WWOX: variants seen among roughly 807,000 people sequenced by gnomAD.
The protein encoded by WWOX is WW domain containing oxidoreductase.
WWOX carries 69 observed loss-of-function variants against 46.2 expected under a neutral mutation model. That is an observed-to-expected ratio of 1.49 (90% CI 1.23 to 1.82). The LOEUF is 1.82. WWOX is among the 40% of genes most tolerant of loss of function. The probability of loss-of-function intolerance (pLI) is 0.00; values close to 1 mark genes in which losing one functional copy is unlikely to be tolerated. For missense variants in WWOX, 919 were observed against 542.6 expected (o/e 1.69, Z -6.89); for synonymous variants, 359 against 202.6 (o/e 1.77, Z -6.56).
intron 8 of WWOX, among the ~76,000 whole-genome samples, chr16:78,510,692 AT>A (rs1266327001): frequency 2.0e-5 from 3 of 152,174 alleles, no homozygotes; most frequent in African/African-American, 7.2e-5. Flanking sequence ...GTTTATTTTT[AT>A]TTGTAAATTG....
intron 5 of WWOX, among the ~76,000 whole-genome samples, chr16:78,217,310 G>C (rs2036754193): frequency 6.6e-6 from 1 of 152,194 alleles, no homozygotes; most frequent in Admixed American, 6.5e-5. Context: ...CCAAAGCGAG[G>C]ATAGCTGATT....
intron 8 of WWOX, among the ~76,000 whole-genome samples, chr16:79,073,150 GTTA>G (rs58438039): frequency 0.028 from 3,964 of 143,068 alleles, 64 homozygotes; most frequent in African/African-American, 0.03. Flanking sequence ...GTAGTTATTC[GTTA>G]TTATTATTAT....
intron 5 of WWOX, among the ~76,000 whole-genome samples, chr16:78,182,685 G>C (rs1387579237): frequency 1.3e-5 from 2 of 152,040 alleles, no homozygotes; most frequent in Non-Finnish European, 2.9e-5. Context: ...GGGTGTGGTG[G>C]CTCACGCCTG....
chr16:78,926,983 A>G (rs60633200), intron 8 of WWOX, among the ~76,000 whole-genome samples: 1 of 151,944 alleles, frequency 6.6e-6, no homozygotes, highest in Non-Finnish European at 1.5e-5. Context: ...TTCTGTAGAG[A>G]TGGGGTTTTG....
chr16:78,961,387 T>A (rs1268325672), intron 8 of WWOX, among the ~76,000 whole-genome samples: 1 of 152,214 alleles, frequency 6.6e-6, no homozygotes, highest in Non-Finnish European at 1.5e-5. Flanking sequence ...GGTTGCAGTT[T>A]GTGGCATGGC....
chr16:78,472,234 T>C (rs968748758), intron 8 of WWOX, among the ~76,000 whole-genome samples: 1 of 152,136 alleles, frequency 6.6e-6, no homozygotes, highest in Non-Finnish European at 1.5e-5. Flanking sequence ...TGCATTCCTG[T>C]GACCTGCTGT....
chr16:78,363,980 G>C lies in WWOX; in HGVS notation c.517-22880G>C, dbSNP rs2081473181. Among the ~76,000 whole-genome samples, 5 of 152,244 alleles carry C rather than the reference G, an allele frequency of 3.3e-5. No homozygotes were observed. The South Asian group carries it at 1.0e-3, about 32-fold the overall frequency. On this transcript the variant is annotated intron_variant, in intron 5 of 8. Coordinates refer to ENST00000566780, the MANE Select transcript of WWOX (RefSeq NM_016373.4). ...TTGCTGACATCCGACTGACCAAGTG[G>C]GCAAGAGGAATTCTTCAAAACAATT...
intron 8 of WWOX, among the ~76,000 whole-genome samples, chr16:78,734,483 A>T (rs1373517750): frequency 6.6e-6 from 1 of 152,190 alleles, no homozygotes; most frequent in African/African-American, 2.4e-5. Context: ...CTGCGGGTTG[A>T]CATTTCTAGT....
chr16:79,040,135 G>C (rs1176436850), intron 8 of WWOX, among the ~76,000 whole-genome samples: 1 of 152,088 alleles, frequency 6.6e-6, no homozygotes, highest in African/African-American at 2.4e-5. Context: ...CATCAGTAAT[G>C]TACTTGGAAT....
At chr16:78,789,427 C>G (rs1426477001) in intron 8 of WWOX, among the ~76,000 whole-genome samples, 5 of 152,134 alleles carry the variant, frequency 3.3e-5, no homozygotes, top group African/African-American at 1.2e-4. Context: ...ATTAAATGGT[C>G]TTTGCACCCT....
chr16:78,699,175 A>C (rs2048160953), intron 8 of WWOX, among the ~76,000 whole-genome samples: 1 of 152,208 alleles, frequency 6.6e-6, no homozygotes, highest in Non-Finnish European at 1.5e-5. Flanking sequence ...GTCACGGGCC[A>C]CATTTGGCCC....
intron 8 of WWOX, among the ~76,000 whole-genome samples, chr16:79,123,100 T>C (rs575994506): frequency 3.3e-5 from 5 of 152,320 alleles, no homozygotes; most frequent in African/African-American, 1.2e-4. Context: ...TTGTAATTTC[T>C]GGTCTGTGCG....
At chr16:78,221,826 A>C (rs2036897407) in intron 5 of WWOX, among the ~76,000 whole-genome samples, 1 of 152,216 alleles carries the variant, frequency 6.6e-6, no homozygotes, top group African/African-American at 2.4e-5. Context: ...TTATACACTC[A>C]TGCATACAGG....
intron 5 of WWOX, among the ~76,000 whole-genome samples, chr16:78,366,653 T>A (rs750812927): frequency 1.3e-5 from 2 of 152,230 alleles, no homozygotes; most frequent in Non-Finnish European, 2.9e-5. Flanking sequence ...TCTCGTCTGT[T>A]GCCACTTTTG....
At chr16:78,544,442 C>A (rs1380054201) in intron 8 of WWOX, among the ~76,000 whole-genome samples, 1 of 152,136 alleles carries the variant, frequency 6.6e-6, no homozygotes, top group East Asian at 1.9e-4. Flanking sequence ...TCCTCATTTG[C>A]AGATGAGGAA....
intron 8 of WWOX, among the ~76,000 whole-genome samples, chr16:78,601,314 A>C (rs1470036833): frequency 1.3e-5 from 2 of 152,110 alleles, no homozygotes; most frequent in Non-Finnish European, 2.9e-5. Context: ...GAATTCTATA[A>C]ACTGTTGGAG....
chr16:78,836,411 T>G (rs1242378328), intron 8 of WWOX, among the ~76,000 whole-genome samples: 1 of 152,166 alleles, frequency 6.6e-6, no homozygotes, highest in Non-Finnish European at 1.5e-5. Context: ...GATTGAGGTC[T>G]CCTGAAACTT....
chr16:78,995,471 G>A (rs548366602), intron 8 of WWOX, among the ~76,000 whole-genome samples: 1 of 152,148 alleles, frequency 6.6e-6, no homozygotes, highest in South Asian at 2.1e-4. Context: ...GTGCCGATTG[G>A]TAAAACCAAG....
intron 4 of WWOX, among the ~76,000 whole-genome samples, chr16:78,125,222 G>T (rs898940709): frequency 6.6e-6 from 1 of 152,122 alleles, no homozygotes; most frequent in African/African-American, 2.4e-5. Context: ...CAGCTGTCTT[G>T]TGATAATGTC....
Sources: gnomAD v4.1 joint callset for allele counts (sites outside exome capture counted in the v4.1 genomes callset) on GRCh38, gnomAD v4.1.1 for gene constraint, MANE v1.5 for transcripts, NCBI Gene and HGNC (gene_info 2026-07-23, HGNC 2026-07-21) for gene names.